GON4L: variants seen among roughly 807,000 people sequenced by gnomAD.
GON4L encodes the protein GON-4-like protein.
In GON4L, 87 loss-of-function variants were observed where a neutral mutation model predicts 211.8. The observed-to-expected ratio is 0.41, with a 90% CI of 0.35 to 0.49. The LOEUF is 0.49. Ranked by LOEUF, GON4L falls within the 20% of genes least tolerant of loss-of-function variation. The probability of loss-of-function intolerance (pLI) is 0.15; values close to 1 mark genes in which losing one functional copy is unlikely to be tolerated. For synonymous variants in GON4L, 875 were observed against 962.6 expected (o/e 0.91, Z 1.68); for missense variants, 2,155 against 2,659.5 (o/e 0.81, Z 4.17).
upstream of GON4L, among the ~76,000 whole-genome samples, chr1:155,859,036 C>G (rs1224811232): frequency 4.6e-5 from 7 of 151,954 alleles, no homozygotes; most frequent in Non-Finnish European, 8.8e-5. Flanking sequence ...GTGCAACCAT[C>G]CCCAGGTTTG....
chr1:155,807,730 A>AAAAG lies in GON4L; in HGVS notation c.1453-2590_1453-2589insCTTT, dbSNP rs1395575383. On this transcript the variant is annotated intron_variant, in intron 10 of 31. Coordinates refer to ENST00000368331, the MANE Select transcript of GON4L (RefSeq NM_001282860.2). The stretch of plus-strand genomic sequence containing the variant: ...AAAAAAAAAAAAAAAAAAAAAGAAA[A>AAAAG]TCAGAAAGTGTGAGACCTCCATCTT... Among the ~76,000 whole-genome samples, 925 of 143,714 alleles carry AAAAG rather than the reference A, an allele frequency of 6.4e-3. 42 individuals carry two copies. Among genetic ancestry groups the AAAAG allele is most frequent in the African/African-American group, 0.023 (897 of 38,298 alleles). The allele number at this position is 143,714 out of a possible 152,430, so 94.3% of individuals were successfully genotyped here. A position where few individuals can be genotyped will look rare whatever the true frequency, so the allele number is the denominator to read the frequency against.
chr1:155,808,628 CTTTTTGT>C (rs1048528544), intron 10 of GON4L, among the ~76,000 whole-genome samples: 14 of 151,864 alleles, frequency 9.2e-5, no homozygotes, highest in African/African-American at 2.9e-4. Flanking sequence ...GGCCTTTTTT[CTTTTTGT>C]TTTTTGTTTT....
chr1:155,745,552 G>C (rs1660226091), downstream of GON4L, among the ~76,000 whole-genome samples: 3 of 152,380 alleles, frequency 2.0e-5, no homozygotes, highest in South Asian at 6.2e-4. Flanking sequence ...CCCCAAGTCA[G>C]CGGCGGAGAC....
At chr1:155,773,345 C>T (rs1663408884) in intron 17 of GON4L, 135 bp from the exon 18 acceptor site, 4 of 932,434 alleles carry the variant, frequency 4.3e-6, no homozygotes, top group African/African-American at 1.7e-5. Context: ...GCCCACCATC[C>T]CCCCAAAAGT....
intron 17 of GON4L, chr1:155,773,520 A>T (rs1571692717): frequency 3.2e-6 from 1 of 310,190 alleles, no homozygotes; most frequent in Non-Finnish European, 6.1e-6. Context: ...ATGCTCAAAA[A>T]TGTTTTACCT....
Position 155,778,982 on chromosome 1 carries a change from G to T in GON4L, c.1893-1162C>A, listed in dbSNP as rs1465308076. ...TTCCTTGAAATATGATAACCTGCTT[G>T]TTGGCCGGACGCGGTGGCTCACGCC... On this transcript the variant is annotated intron_variant, in intron 14 of 31. Coordinates refer to ENST00000368331, the MANE Select transcript of GON4L (RefSeq NM_001282860.2). Among the ~76,000 whole-genome samples, 9 of 152,016 alleles carry T rather than the reference G, an allele frequency of 5.9e-5. 1 individual carries two copies. The highest frequency in any genetic ancestry group is 5.2e-4 in the Admixed American group (8 of 15,250).
chr1:155,775,084 C>T lies in GON4L; in HGVS notation c.2268G>A (p.Leu756=). Residue 756 remains leucine (L), a synonymous_variant, in exon 17 of 32, where the codon TTG becomes TTA. Transcript: ENST00000368331. ...KFQTLFQPCN[L]MGAMQLIEDF... ...CTTCAATCAGCTGCATAGCTCCCAT[C>T]AAGTTACAGGGTTGGAACAGGGTCT... 1.2e-6 allele frequency: 2 copies of T among 1,613,838 alleles called. No homozygotes were observed. The highest frequency in any genetic ancestry group is 1.7e-6 in the Non-Finnish European group (2 of 1,179,762).
intron 14 of GON4L, among the ~76,000 whole-genome samples, chr1:155,779,482 AATTTTTGT>A (rs1208023105): frequency 6.6e-6 from 1 of 150,854 alleles, no homozygotes; most frequent in Admixed American, 6.6e-5. Context: ...ACACCCAGCT[AATTTTTGT>A]ATTTTTAGTA....
At chr1:155,781,777 G>GA (rs1335319933) in intron 14 of GON4L, among the ~76,000 whole-genome samples, 2 of 150,976 alleles carry the variant, frequency 1.3e-5, no homozygotes, top group Non-Finnish European at 2.9e-5. Flanking sequence ...TATTTTTTGA[G>GA]AGACAGTTTC....
At chr1:155,832,960 A>C (rs1419243807) in intron 2 of GON4L, 1 of 125,456 alleles carries the variant, frequency 8.0e-6, no homozygotes, top group Admixed American at 7.7e-5. Flanking sequence ...TCTGATTGGC[A>C]AAAAAAAAAA....
In GON4L at chr1:155,752,511, T is replaced by A. The variant is rs754821216; in HGVS notation, c.5922A>T (p.Pro1974=). 4 of 1,592,194 alleles carry A rather than the reference T, an allele frequency of 2.5e-6. No homozygotes were observed. The highest frequency in any genetic ancestry group is 2.3e-5 in the South Asian group (2 of 88,412). The change falls in exon 30 of 32, where the codon CCA becomes CCT. Residue 1974 remains proline (P), a synonymous_variant. Transcript: ENST00000368331. ...ATTGAGGAGTCTCTGGTGAATGAGG[T>A]GGTGGGCCATCCAGGAGGAGCCGTT... ...VTERLLLDGP[P]PHSPETPQFP...
chr1:155,792,997 C>T (rs1665748634), intron 12 of GON4L, among the ~76,000 whole-genome samples: 1 of 152,136 alleles, frequency 6.6e-6, no homozygotes, highest in Non-Finnish European at 1.5e-5. Flanking sequence ...AACTCCTGGG[C>T]TCATGCGATC....
At chr1:155,824,219 T>G (rs1668973707) in intron 3 of GON4L, among the ~76,000 whole-genome samples, 1 of 150,608 alleles carries the variant, frequency 6.6e-6, no homozygotes, top group African/African-American at 2.4e-5. Context: ...GGTCAGGAGT[T>G]CAAGACCAGC....
At chr1:155,821,835 T>C (rs1169394735) in intron 4 of GON4L, among the ~76,000 whole-genome samples, 1 of 152,230 alleles carries the variant, frequency 6.6e-6, no homozygotes, top group African/African-American at 2.4e-5. Context: ...TAAGTAACTA[T>C]ATGCTTAAGA....
intron 19 of GON4L, among the ~76,000 whole-genome samples, chr1:155,768,569 C>G (rs1251995490): frequency 6.6e-6 from 1 of 151,462 alleles, no homozygotes; most frequent in Admixed American, 6.6e-5. Context: ...CGAGATCACA[C>G]CACTGCACTC....
intron 2 of GON4L, among the ~76,000 whole-genome samples, chr1:155,836,039 T>C (rs1670261518): frequency 6.6e-6 from 1 of 151,940 alleles, no homozygotes; most frequent in African/African-American, 2.4e-5. Flanking sequence ...AGCTCAGGAG[T>C]TCGATACTAG....
intron 3 of GON4L, among the ~76,000 whole-genome samples, chr1:155,825,367 G>A (rs1012184161): frequency 5.3e-5 from 8 of 151,274 alleles, no homozygotes; most frequent in Non-Finnish European, 1.2e-4. Flanking sequence ...GAGGTCAGGA[G>A]ATCGAGACCA....
chr1:155,820,349 G>A (rs762502491), intron 6 of GON4L, among the ~76,000 whole-genome samples: 2 of 152,112 alleles, frequency 1.3e-5, no homozygotes, highest in Non-Finnish European at 2.9e-5. Flanking sequence ...AGAAAAACTG[G>A]TCTCACCTAT....
intron 2 of GON4L, among the ~76,000 whole-genome samples, chr1:155,848,664 G>T (rs908886495): frequency 6.6e-6 from 1 of 152,054 alleles, no homozygotes; most frequent in Non-Finnish European, 1.5e-5. Context: ...TCCCAATTAA[G>T]ATTCTAAACT....
Sources: allele counts gnomAD v4.1 joint callset (sites outside exome capture counted in the v4.1 genomes callset), GRCh38; gene constraint gnomAD v4.1.1; transcripts MANE v1.5; gene names NCBI Gene and HGNC (gene_info 2026-07-23, HGNC 2026-07-21).